Variants in NAT1 observed in about 807,000 individuals in gnomAD.
NAT1 encodes the protein arylamine N-acetyltransferase 1.
For missense variants in NAT1, 400 were observed against 339.2 expected (o/e 1.18, Z -1.41); for synonymous variants, 144 against 122.6 (o/e 1.17, Z -1.16).
intron 2 of NAT1, among the ~76,000 whole-genome samples, chr8:18,193,508 T>C (rs201625753): frequency 6.6e-5 from 6 of 90,936 alleles, no homozygotes; most frequent in Non-Finnish European, 9.5e-5. Flanking sequence ...ATATATATAA[T>C]ATATATATAT....
At chr8:18,216,751 C>T (rs975778747) in intron 1 of NAT1, 26 of 575,142 alleles carry the variant, frequency 4.5e-5, no homozygotes, top group Admixed American at 2.9e-4. Context: ...AGCAAAATTT[C>T]GTAAGAGGCT....
intron 2 of NAT1, among the ~76,000 whole-genome samples, chr8:18,184,139 C>G (rs62494028): frequency 6.6e-6 from 1 of 152,046 alleles, no homozygotes; most frequent in Non-Finnish European, 1.5e-5. Flanking sequence ...TCTGCCTGGG[C>G]CCCATGACTT....
intron 2 of NAT1, among the ~76,000 whole-genome samples, chr8:18,171,015 T>C (rs1418572023): frequency 6.6e-6 from 1 of 152,206 alleles, no homozygotes; most frequent in African/African-American, 2.4e-5. Context: ...AACAGTTAAC[T>C]AGATTGGATC....
intron 2 of NAT1, chr8:18,221,730 C>G (rs1805318534): frequency 8.3e-6 from 2 of 241,190 alleles, no homozygotes; most frequent in South Asian, 7.4e-5. Flanking sequence ...TTAAAGGATA[C>G]CAGTTGGAAT....
chr8:18,220,728 C>T (rs959198484), intron 2 of NAT1, among the ~76,000 whole-genome samples: 28 of 152,136 alleles, frequency 1.8e-4, no homozygotes, highest in Admixed American at 8.5e-4. Context: ...AATGAATACC[C>T]CACCAGCTTC....
rs1802631724 is a variant in NAT1, at chr8:18,184,071, T to TCACTAGG, written n.92+13335_92+13341dup. On this transcript the variant is annotated intron_variant and non_coding_transcript_variant, in intron 2 of 4. Coordinates refer to the NAT1 transcript ENST00000517441. ...TGGGGGGGTCCCTGTTCCCATTGCT[T>TCACTAGG]CACTAGGCATTACCTTGATGAAGAC... 2.6e-5 allele frequency among the ~76,000 whole-genome samples: 4 copies of TCACTAGG among 152,168 alleles called. No individual in the cohort carries two copies. In the South Asian group the frequency reaches 8.3e-4, roughly 32 times the overall value.
chr8:18,202,860 G>T (rs925251509), intron 2 of NAT1, among the ~76,000 whole-genome samples: 2 of 152,118 alleles, frequency 1.3e-5, no homozygotes, highest in Non-Finnish European at 2.9e-5. Context: ...TGCTGGCTTG[G>T]GTGACCGGCT....
At chr8:18,204,253 G>A (rs35383342) in intron 2 of NAT1, among the ~76,000 whole-genome samples, 3,749 of 152,024 alleles carry the variant, frequency 0.025, 55 homozygotes, top group Non-Finnish European at 0.039. Flanking sequence ...TCACCCACAT[G>A]TATCTGTGTC....
upstream of NAT1, chr8:18,209,951 T>C (rs1563181801): frequency 1.3e-5 from 2 of 152,026 alleles, no homozygotes; most frequent in African/African-American, 4.8e-5. Context: ...CCACCCTTTT[T>C]TATGGTAAGA....
upstream of NAT1, among the ~76,000 whole-genome samples, chr8:18,206,135 G>T (rs1314654897): frequency 6.6e-6 from 1 of 152,160 alleles, no homozygotes; most frequent in Admixed American, 6.5e-5. Flanking sequence ...TGGCTGAAGG[G>T]TCTCCTTCTG....
intron 2 of NAT1, among the ~76,000 whole-genome samples, chr8:18,178,740 G>T (rs1308886876): frequency 1.3e-5 from 2 of 152,168 alleles, no homozygotes; most frequent in Non-Finnish European, 2.9e-5. Flanking sequence ...TATCAGGACT[G>T]TAACCAGTTT....
Position 18,222,657 on chromosome 8 carries a change from T to A in NAT1, c.610T>A (p.Ser204Thr), listed in dbSNP as rs1339465727. Residue 204 changes from serine to threonine, a missense_variant, in exon 3 of 3, where the codon TCT (serine) becomes ACT (threonine). By Grantham distance (58) the Ser-to-Thr change is moderately conservative. Coordinates refer to ENST00000307719, the MANE Select transcript of NAT1 (RefSeq NM_000662.8). ...LKPRTIEDFE[S>T]MNTYLQTSPS... ...GCCTCGAACAATTGAAGATTTTGAG[T>A]CTATGAATACATACCTGCAGACATC... 6.2e-7 allele frequency: 1 copy of A among 1,613,612 alleles called. No homozygotes were observed. Among genetic ancestry groups the A allele is most frequent in the Admixed American group, 1.7e-5 (1 of 59,900 alleles).
At chr8:18,189,563 G>C (rs532083552) in intron 2 of NAT1, among the ~76,000 whole-genome samples, 1 of 152,302 alleles carries the variant, frequency 6.6e-6, no homozygotes, top group Admixed American at 6.5e-5. Context: ...CCAGACATTA[G>C]AATCTCAAGG....
At chr8:18,203,880 C>T (rs1803583741) in intron 2 of NAT1, among the ~76,000 whole-genome samples, 1 of 152,152 alleles carries the variant, frequency 6.6e-6, no homozygotes, top group African/African-American at 2.4e-5. Flanking sequence ...CAGGTGAATG[C>T]TGGCAGGAAA....
chr8:18,204,741 T>A (rs1803635427), intron 2 of NAT1, among the ~76,000 whole-genome samples: 1 of 152,206 alleles, frequency 6.6e-6, no homozygotes, highest in Non-Finnish European at 1.5e-5. Context: ...TAATTAAAAC[T>A]AATAGCCATA....
chr8:18,205,695 C>T (rs1171229430), upstream of NAT1, among the ~76,000 whole-genome samples: 1 of 152,210 alleles, frequency 6.6e-6, no homozygotes, highest in Non-Finnish European at 1.5e-5. Flanking sequence ...TGAGGAGTTG[C>T]ACTGGGCCCT....
intron 2 of NAT1, among the ~76,000 whole-genome samples, chr8:18,193,524 A>G (rs1190670747): frequency 6.8e-6 from 1 of 146,338 alleles, no homozygotes; most frequent in Non-Finnish European, 1.5e-5. Context: ...TATATATATC[A>G]CATACTTTTC....
At chr8:18,218,397 T>A (rs4921880) in intron 1 of NAT1, among the ~76,000 whole-genome samples, 102,498 of 151,964 alleles carry the variant, frequency 0.67, 35,273 homozygotes, top group Non-Finnish European at 0.76. Context: ...ACGGAGCATG[T>A]CACACACAAT....
intron 2 of NAT1, among the ~76,000 whole-genome samples, chr8:18,196,834 A>C (rs1161085049): frequency 1.3e-5 from 2 of 152,230 alleles, no homozygotes. Flanking sequence ...ATAATAATAA[A>C]AACTAGTATC....
Sources: allele counts gnomAD v4.1 joint callset (sites outside exome capture counted in the v4.1 genomes callset), GRCh38; gene constraint gnomAD v4.1.1; transcripts MANE v1.5; gene names NCBI Gene and HGNC (gene_info 2026-07-23, HGNC 2026-07-21).